The following MECOM variants were observed in gnomAD, a reference collection of about 807,000 sequenced individuals.
MECOM encodes the protein histone-lysine N-methyltransferase MECOM.
A neutral mutation model predicts 116.3 loss-of-function variants in MECOM; 13 were observed. The observed-to-expected ratio is 0.11, with a 90% confidence interval of 0.07 to 0.18. The LOEUF is 0.18. Among genes scored for constraint, MECOM ranks in the 10% least tolerant of loss-of-function variants. MECOM has a pLI of 1.00. For missense variants in MECOM, 1,299 were observed against 1,509.0 expected (o/e 0.86, Z 2.31); for synonymous variants, 528 against 535.2 (o/e 0.99, Z 0.19).
chr3:169,444,777 C>G (rs1358390734), intron 1 of MECOM, among the ~76,000 whole-genome samples: 1 of 152,146 alleles, frequency 6.6e-6, no homozygotes, highest in African/African-American at 2.4e-5. Context: ...AGCTTGGAAC[C>G]TCTTAGAGAC....
chr3:169,353,817 G>A (rs138007901), intron 2 of MECOM, among the ~76,000 whole-genome samples: 23 of 151,860 alleles, frequency 1.5e-4, no homozygotes, highest in African/African-American at 5.1e-4. Context: ...ATGTTGTGAA[G>A]CTAGTTGAAT....
At chr3:169,284,941 G>C (rs186277345) in intron 2 of MECOM, among the ~76,000 whole-genome samples, 2 of 152,154 alleles carry the variant, frequency 1.3e-5, no homozygotes, top group African/African-American at 4.8e-5. Context: ...CTTTCAGGAA[G>C]TGGGAGAGGG....
At chr3:169,452,543 A>G (rs1250958918) in intron 1 of MECOM, among the ~76,000 whole-genome samples, 2 of 152,196 alleles carry the variant, frequency 1.3e-5, no homozygotes, top group Non-Finnish European at 2.9e-5. Flanking sequence ...CTCAGCATCT[A>G]CCACGTAAAG....
chr3:169,390,093 C>A (rs1733986494), intron 1 of MECOM, among the ~76,000 whole-genome samples: 1 of 152,068 alleles, frequency 6.6e-6, no homozygotes, highest in South Asian at 2.1e-4. Flanking sequence ...CCTGGAGTAA[C>A]CTTGAGAGGC....
chr3:169,138,973 C>T (rs1435564923), intron 3 of MECOM, among the ~76,000 whole-genome samples: 2 of 152,014 alleles, frequency 1.3e-5, no homozygotes. Flanking sequence ...AGAGCGAACG[C>T]GGGGTGCCAC....
At chr3:169,110,393 G>A (rs1010948242) in intron 9 of MECOM, among the ~76,000 whole-genome samples, 2 of 152,062 alleles carry the variant, frequency 1.3e-5, no homozygotes, top group South Asian at 4.1e-4. Flanking sequence ...AATATGTTGC[G>A]TACATAAATG....
intron 2 of MECOM, among the ~76,000 whole-genome samples, chr3:169,275,927 C>T (rs1454410144): frequency 1.7e-4 from 26 of 151,876 alleles, no homozygotes; most frequent in Non-Finnish European, 4.4e-5. Context: ...TTTTTTTTAA[C>T]GCAGATGATA....
Position 169,143,805 on chromosome 3 carries a change from A to G in MECOM, c.403T>C (p.Phe135Leu). The change falls in exon 3 of 17, where the codon TTC (phenylalanine) becomes CTC (leucine). Residue 135 changes from phenylalanine (F) to leucine (L), a missense_variant. Physicochemically the swap from Phe to Leu is conservative, Grantham distance 22. Transcript: ENST00000651503. ...TCTGGTTGACTGGCATCTATGCAGA[A>G]CTTCACATTGTAAAATTCGTCTAAG... ...EILDEFYNVK[F>L]CIDASQPDVG... 2 of 1,608,200 alleles carry G rather than the reference A, an allele frequency of 1.2e-6. No individual in the cohort carries two copies. Among genetic ancestry groups the G allele is most frequent in the Non-Finnish European group, 1.7e-6 (2 of 1,177,390 alleles).
At position 169,527,066 on chromosome 3, in the gene MECOM, T is replaced by G. The variant is rs142313743; in HGVS notation, c.37+136270A>C. 1.7e-3 allele frequency among the ~76,000 whole-genome samples: 264 copies of G among 152,362 alleles called. 2 individuals are homozygous for G. The highest frequency in any genetic ancestry group is 6.1e-3 in the African/African-American group (254 of 41,586). ...GAATGGAAATCAAAGTCACTGTAAC[T>G]ATTAACACTTAAAAGTGAAGCAATG... On this transcript the variant is annotated intron_variant, in intron 1 of 16. Transcript: ENST00000651503.
intron 1 of MECOM, among the ~76,000 whole-genome samples, chr3:169,485,541 A>C (rs1030074347): frequency 4.6e-5 from 7 of 152,150 alleles, no homozygotes; most frequent in Non-Finnish European, 1.0e-4. Flanking sequence ...AATTACTAGA[A>C]GTTTGGAGGT....
rs115172616 is a variant in MECOM, at chr3:169,157,305, G to A, written c.376-13473C>T. 3.5e-3 allele frequency among the ~76,000 whole-genome samples: 537 copies of A among 152,250 alleles called. 3 individuals carry two copies. Among genetic ancestry groups the A allele is most frequent in the African/African-American group, 0.011 (468 of 41,530 alleles). ...ACTTGGTTATGATGTCTGTTACAGC[G>A]TTAAGAAACAATGAATGTGTTAAGT... On this transcript the variant is annotated intron_variant, in intron 2 of 16. Transcript: ENST00000651503.
At chr3:169,663,253 G>A (rs866951925) in intron 1 of MECOM, 83 bp downstream of exon 1, 1 of 1,509,736 alleles carries the variant, frequency 6.6e-7, no homozygotes, top group Non-Finnish European at 9.0e-7. Context: ...GGCAGCCCGC[G>A]CTCCCTCCCG....
chr3:169,485,913 AT>A (rs1560340077), intron 1 of MECOM, among the ~76,000 whole-genome samples: 37 of 66,314 alleles, frequency 5.6e-4, no homozygotes, highest in Admixed American at 2.1e-3. Context: ...GTATATATGT[AT>A]GTATATATAG....
intron 2 of MECOM, among the ~76,000 whole-genome samples, chr3:169,232,366 A>C (rs1753503761): frequency 6.6e-6 from 1 of 152,128 alleles, no homozygotes; most frequent in African/African-American, 2.4e-5. Context: ...TCTTCCAAGC[A>C]TGATATAAGC....
intron 2 of MECOM, among the ~76,000 whole-genome samples, chr3:169,280,018 T>C (rs1488543740): frequency 2.0e-5 from 3 of 152,120 alleles, no homozygotes; most frequent in East Asian, 1.9e-4. Flanking sequence ...CTCACAGAAA[T>C]TGCAGAACAG....
At position 169,400,085 on chromosome 3, in the gene MECOM, T is replaced by C. The variant is rs188797609; in HGVS notation, c.38-18561A>G. Among the ~76,000 whole-genome samples, 384 of 152,346 alleles carry C rather than the reference T, an allele frequency of 2.5e-3. 1 individual carries two copies. The highest frequency in any genetic ancestry group is 4.7e-3 in the Non-Finnish European group (317 of 68,028). On this transcript the variant is annotated intron_variant, in intron 1 of 16. Transcript: ENST00000651503. ...CCCTGAAATTTGACGTTCATTTTAA[T>C]GATGCTTACTTTATTACTTGTCAGA...
At chr3:169,539,119 A>G (rs1292064319) in intron 1 of MECOM, among the ~76,000 whole-genome samples, 1 of 152,164 alleles carries the variant, frequency 6.6e-6, no homozygotes, top group Non-Finnish European at 1.5e-5. Context: ...AGGAAAATAT[A>G]GAATAGCTCG....
At chr3:169,542,361 C>T (rs920420416) in intron 1 of MECOM, among the ~76,000 whole-genome samples, 2 of 151,298 alleles carry the variant, frequency 1.3e-5, no homozygotes, top group Admixed American at 6.6e-5. Flanking sequence ...TTGAGCAATA[C>T]GACTCCCCCC....
chr3:169,658,438 A>C lies in MECOM; in HGVS notation c.37+4898T>G, dbSNP rs181267758. 2.8e-4 allele frequency among the ~76,000 whole-genome samples: 43 copies of C among 152,298 alleles called. No individual in the cohort carries two copies. The East Asian group carries it at 8.1e-3, about 29-fold the overall frequency. On this transcript the variant is annotated intron_variant, in intron 1 of 16. Coordinates refer to ENST00000651503, the MANE Select transcript of MECOM (RefSeq NM_004991.4). ...CGCAAGAGTGCTCCTTGTCTTCCTGAAGCCAAGACGTGTGTGGGTGTGCAC... is the reference window on the plus strand; with the variant it reads ...CGCAAGAGTGCTCCTTGTCTTCCTGCAGCCAAGACGTGTGTGGGTGTGCAC...
Sources: allele counts gnomAD v4.1 joint callset (sites outside exome capture counted in the v4.1 genomes callset), GRCh38; gene constraint gnomAD v4.1.1; transcripts MANE v1.5; gene names NCBI Gene and HGNC (gene_info 2026-07-23, HGNC 2026-07-21).